CAMKMT: variants seen among roughly 807,000 people sequenced by gnomAD.
The protein encoded by CAMKMT is CaM KMT.
A neutral mutation model predicts 48.0 loss-of-function variants in CAMKMT; 53 were observed. The observed-to-expected ratio is 1.10, with a 90% CI of 0.89 to 1.39. The LOEUF is 1.39. Ranked by LOEUF, CAMKMT falls within the 40% of genes most tolerant of loss-of-function variation. CAMKMT has a pLI of 0.00. For synonymous variants in CAMKMT, 165 were observed against 152.3 expected (o/e 1.08, Z -0.61); for missense variants, 428 against 402.7 (o/e 1.06, Z -0.54).
chr2:44,685,794 G>T (rs1676302838), intron 3 of CAMKMT, among the ~76,000 whole-genome samples: 1 of 152,078 alleles, frequency 6.6e-6, no homozygotes, highest in South Asian at 2.1e-4. Flanking sequence ...ATTTCTATGT[G>T]AATAATGACT....
intron 8 of CAMKMT, among the ~76,000 whole-genome samples, chr2:44,745,170 T>G (rs1483115858): frequency 6.6e-6 from 1 of 152,184 alleles, no homozygotes; most frequent in African/African-American, 2.4e-5. Flanking sequence ...GGGCAGCATC[T>G]TCCTGAAGCT....
At chr2:44,716,692 G>T (rs1047695163) in intron 7 of CAMKMT, among the ~76,000 whole-genome samples, 20 of 152,122 alleles carry the variant, frequency 1.3e-4, no homozygotes, top group African/African-American at 4.6e-4. Flanking sequence ...CAGTGCAGAC[G>T]GCCTTACCCT....
intron 7 of CAMKMT, among the ~76,000 whole-genome samples, chr2:44,734,235 A>G (rs1407363394): frequency 6.6e-6 from 1 of 152,078 alleles, no homozygotes; most frequent in East Asian, 1.9e-4. Context: ...GTGGCATCCC[A>G]TAAATTTTGA....
At chr2:44,696,000 T>C (rs980782840) in intron 3 of CAMKMT, among the ~76,000 whole-genome samples, 112 of 151,968 alleles carry the variant, frequency 7.4e-4, no homozygotes, top group African/African-American at 2.6e-3. Context: ...TGGAGTGGAG[T>C]GGCGTGATCT....
intron 3 of CAMKMT, among the ~76,000 whole-genome samples, chr2:44,550,001 G>A (rs1189864766): frequency 2.6e-5 from 4 of 152,262 alleles, no homozygotes; most frequent in Middle Eastern, 3.4e-3. Context: ...GCAGGGAATC[G>A]GGAAGGGAAA....
chr2:44,399,764 C>T (rs934442752), intron 3 of CAMKMT, among the ~76,000 whole-genome samples: 4 of 152,020 alleles, frequency 2.6e-5, no homozygotes, highest in Non-Finnish European at 5.9e-5. Flanking sequence ...ATTTTTCTTG[C>T]AGGAGGTGAG....
At chr2:44,612,202 G>A (rs898601788) in intron 3 of CAMKMT, among the ~76,000 whole-genome samples, 2 of 152,036 alleles carry the variant, frequency 1.3e-5, no homozygotes, top group Non-Finnish European at 2.9e-5. Context: ...ATCAAAACCT[G>A]ATAATAGTAA....
chr2:44,441,126 G>A (rs1020223339), intron 3 of CAMKMT, among the ~76,000 whole-genome samples: 1 of 151,676 alleles, frequency 6.6e-6, no homozygotes, highest in South Asian at 2.1e-4. Flanking sequence ...TCACTTATTT[G>A]GTGTCTGTTA....
intron 3 of CAMKMT, among the ~76,000 whole-genome samples, chr2:44,479,743 G>A (rs1445459254): frequency 6.6e-6 from 1 of 152,160 alleles, no homozygotes; most frequent in East Asian, 1.9e-4. Flanking sequence ...TCTTTGAAAT[G>A]TGATACATGA....
At chr2:44,468,245 A>G (rs1483075887) in intron 3 of CAMKMT, among the ~76,000 whole-genome samples, 2 of 152,236 alleles carry the variant, frequency 1.3e-5, no homozygotes, top group East Asian at 3.8e-4. Context: ...AGTATATGAA[A>G]CAATGTTCCA....
intron 7 of CAMKMT, among the ~76,000 whole-genome samples, chr2:44,719,695 A>G (rs1678358247): frequency 6.6e-6 from 1 of 152,196 alleles, no homozygotes; most frequent in African/African-American, 2.4e-5. Context: ...GCTCTAGAGA[A>G]TCAGACATCC....
intron 2 of CAMKMT, among the ~76,000 whole-genome samples, chr2:44,388,564 T>G (rs909378234): frequency 7.2e-5 from 11 of 152,150 alleles, no homozygotes; most frequent in African/African-American, 9.7e-5. Flanking sequence ...GTGATTTTTT[T>G]GGGGGTGCTA....
At chr2:44,586,686 T>C (rs1013276515) in intron 3 of CAMKMT, among the ~76,000 whole-genome samples, 5 of 152,236 alleles carry the variant, frequency 3.3e-5, no homozygotes, top group Admixed American at 6.5e-5. Context: ...TGCAGTTATA[T>C]GCAGTATATT....
chr2:44,602,340 T>C (rs962323578), intron 3 of CAMKMT, among the ~76,000 whole-genome samples: 7 of 152,098 alleles, frequency 4.6e-5, no homozygotes, highest in Non-Finnish European at 5.9e-5. Flanking sequence ...CACCTATTAT[T>C]TTTAATGACT....
intron 3 of CAMKMT, among the ~76,000 whole-genome samples, chr2:44,508,505 C>G (rs1670372740): frequency 6.6e-6 from 1 of 152,184 alleles, no homozygotes; most frequent in African/African-American, 2.4e-5. Context: ...TTCCTTCCCT[C>G]ACACTCAAAG....
chr2:44,556,150 T>G (rs952275866), intron 3 of CAMKMT, among the ~76,000 whole-genome samples: 3 of 152,080 alleles, frequency 2.0e-5, no homozygotes, highest in African/African-American at 7.2e-5. Context: ...ATTTATTTAC[T>G]TATTTTGAGA....
intron 3 of CAMKMT, among the ~76,000 whole-genome samples, chr2:44,404,057 T>C (rs1396047399): frequency 6.6e-6 from 1 of 152,182 alleles, no homozygotes; most frequent in African/African-American, 2.4e-5. Context: ...CACATTGTGT[T>C]ATAACTATGT....
At chr2:44,730,121 G>A (rs763702567) in intron 7 of CAMKMT, among the ~76,000 whole-genome samples, 1 of 152,218 alleles carries the variant, frequency 6.6e-6, no homozygotes, top group African/African-American at 2.4e-5. Context: ...GATAGCCTCA[G>A]GCTTTCTGTA....
At chr2:44,492,917 A>C (rs1295123104) in intron 3 of CAMKMT, among the ~76,000 whole-genome samples, 1 of 146,258 alleles carries the variant, frequency 6.8e-6, no homozygotes, top group Non-Finnish European at 1.5e-5. Context: ...TTTTTGAGAC[A>C]CAGTCTTGCC....
Sources: gnomAD v4.1 joint callset for allele counts (sites outside exome capture counted in the v4.1 genomes callset) on GRCh38, gnomAD v4.1.1 for gene constraint, MANE v1.5 for transcripts, NCBI Gene and HGNC (gene_info 2026-07-23, HGNC 2026-07-21) for gene names.